The following FBLN5 variants were observed in gnomAD, a reference collection of about 807,000 sequenced individuals.
FBLN5 encodes fibulin 5.
Under a neutral mutation model 61.6 loss-of-function variants are expected in FBLN5, and 24 were observed. That is an observed-to-expected ratio of 0.39 (90% CI 0.28 to 0.55). FBLN5 has a LOEUF of 0.55. FBLN5 is among the 20% of genes least tolerant of loss of function. The pLI is 0.65. For missense variants in FBLN5, 470 were observed against 594.1 expected (o/e 0.79, Z 2.17); for synonymous variants, 213 against 219.8 (o/e 0.97, Z 0.27).
chr14:91,902,292 T>TC (rs1224965249), intron 4 of FBLN5, among the ~76,000 whole-genome samples: 1 of 151,614 alleles, frequency 6.6e-6, no homozygotes, highest in East Asian at 1.9e-4. Flanking sequence ...TTTTTTTTTT[T>TC]TTTTTTTCAA....
At chr14:91,883,121 T>C (rs762864448) in intron 7 of FBLN5, 45 bp from the exon 8 acceptor site, 18 of 1,609,970 alleles carry the variant, frequency 1.1e-5, no homozygotes, top group Admixed American at 1.7e-5. Flanking sequence ...CCAGTCTACA[T>C]GGGGATGGGA....
intron 4 of FBLN5, among the ~76,000 whole-genome samples, chr14:91,897,749 A>T (rs979468722): frequency 8.5e-5 from 13 of 152,214 alleles, no homozygotes; most frequent in Non-Finnish European, 4.4e-5. Context: ...ACTTTTACTG[A>T]ACTAAAGAAT....
chr14:91,933,921 G>A (rs1482857495), intron 4 of FBLN5, among the ~76,000 whole-genome samples: 1 of 152,018 alleles, frequency 6.6e-6, no homozygotes, highest in Non-Finnish European at 1.5e-5. Context: ...ACCAGCCTGG[G>A]CAACATGGCA....
intron 5 of FBLN5, among the ~76,000 whole-genome samples, chr14:91,893,784 A>G (rs998912946): frequency 1.3e-5 from 2 of 152,226 alleles, no homozygotes; most frequent in East Asian, 1.9e-4. Context: ...GCAGTTCTCA[A>G]TTGGTGATGA....
At chr14:91,940,356 G>C (rs1207826708) in intron 3 of FBLN5, among the ~76,000 whole-genome samples, 1 of 152,162 alleles carries the variant, frequency 6.6e-6, no homozygotes, top group African/African-American at 2.4e-5. Context: ...AGAGAACAGA[G>C]ATCAATTCTT....
intron 4 of FBLN5, among the ~76,000 whole-genome samples, chr14:91,929,522 A>G (rs772416289): frequency 1.3e-5 from 2 of 152,210 alleles, no homozygotes; most frequent in Admixed American, 1.3e-4. Flanking sequence ...CACACAGCTA[A>G]TAAGTAGCAA....
intron 4 of FBLN5, among the ~76,000 whole-genome samples, chr14:91,921,517 C>T (rs562304834): frequency 7.2e-5 from 11 of 152,286 alleles, no homozygotes; most frequent in African/African-American, 1.4e-4. Context: ...GTGCAGCCCC[C>T]GGGCCAGCAG....
At chr14:91,891,200 G>T (rs367710691) in intron 6 of FBLN5, 21 bp downstream of exon 6, 4 of 1,378,632 alleles carry the variant, frequency 2.9e-6, no homozygotes, top group Non-Finnish European at 4.1e-6. Flanking sequence ...TCATGTCCAA[G>T]TTATCATGCA....
chr14:91,907,562 G>A (rs911730127), intron 4 of FBLN5, among the ~76,000 whole-genome samples: 1 of 152,058 alleles, frequency 6.6e-6, no homozygotes, highest in African/African-American at 2.4e-5. Flanking sequence ...CTTCACTGGA[G>A]CAGTTAAAAC....
rs186185711 is a variant in FBLN5 at position 91,927,551 on chromosome 14, C to A, written c.379+9396G>T. On this transcript the variant is annotated intron_variant, in intron 4 of 10. Transcript: ENST00000342058. ...TTGACAACAAAAGAGATGGTGTGAT[C>A]ACCTTGCTCCATCTCAACACATTTA... is the stretch of plus-strand genomic sequence containing the variant. Among the ~76,000 whole-genome samples the A allele has an allele frequency of 2.6e-5, 4 of 152,348 alleles. No homozygotes were observed. In the East Asian group the frequency reaches 7.7e-4, roughly 29 times the overall value.
rs1279871959 is a variant in FBLN5, at chr14:91,870,517, C to T, written c.1186-132G>A. 1.3e-5 allele frequency: 11 copies of T among 866,492 alleles called. No individual in the cohort carries two copies. The South Asian group carries it at 1.5e-4, about 12-fold the overall frequency. 53.7% of individuals were successfully genotyped at this position (866,492 alleles called of 1,614,324 possible). A position where few individuals can be genotyped will look rare whatever the true frequency, so the allele number is the denominator to read the frequency against. ...GTGCCTCAACTGTGCCATGCTCTTT[C>T]CCTGGCTTTGCCCACTCTCCACCTG... On this transcript the variant is annotated intron_variant, in intron 10 of 10. Coordinates refer to ENST00000342058, the MANE Select transcript of FBLN5 (RefSeq NM_006329.4).
At chr14:91,903,712 G>A (rs1304751592) in intron 4 of FBLN5, among the ~76,000 whole-genome samples, 2 of 152,108 alleles carry the variant, frequency 1.3e-5, no homozygotes. Context: ...CAGTGGCCCA[G>A]GCTAGAGACC....
intron 10 of FBLN5, among the ~76,000 whole-genome samples, chr14:91,870,636 G>A (rs901849523): frequency 1.8e-4 from 27 of 152,204 alleles, no homozygotes; most frequent in Admixed American, 1.6e-3. Flanking sequence ...GTCCCCCTGC[G>A]ACCTCTGACG....
chr14:91,869,912 C>A lies in FBLN5; in HGVS notation c.*312G>T. 2.6e-6 allele frequency: 1 copy of A among 381,498 alleles called. No homozygotes were observed. Among genetic ancestry groups the A allele is most frequent in the Non-Finnish European group, 5.1e-6 (1 of 197,978 alleles). The allele number at this position is 381,498 out of a possible 1,614,324, so 23.6% of individuals were successfully genotyped here. On this transcript the variant is annotated 3_prime_UTR_variant, in exon 11 of 11. Coordinates refer to ENST00000342058, the MANE Select transcript of FBLN5 (RefSeq NM_006329.4). ...GAACATAGACTCAGACCCCCGCAAA[C>A]CTAATCTATTTTCTTTGAAAATAGT...
At chr14:91,883,924 C>T (rs982550535) in intron 7 of FBLN5, among the ~76,000 whole-genome samples, 44 of 152,212 alleles carry the variant, frequency 2.9e-4, no homozygotes, top group Non-Finnish European at 5.6e-4. Flanking sequence ...GCCAACTCTT[C>T]ATCACACACA....
intron 4 of FBLN5, among the ~76,000 whole-genome samples, chr14:91,919,598 A>T (rs1417875922): frequency 6.6e-6 from 1 of 152,202 alleles, no homozygotes; most frequent in Admixed American, 6.5e-5. Context: ...CAAAGAGGTA[A>T]TTCAGTTAAA....
chr14:91,947,239 G>A lies in FBLN5; in HGVS notation c.-10C>T. 1.9e-6 allele frequency: 3 copies of A among 1,614,166 alleles called. No homozygotes were observed. The highest frequency in any genetic ancestry group is 1.7e-6 in the Non-Finnish European group (2 of 1,180,026). On this transcript the variant is annotated 5_prime_UTR_variant, in exon 1 of 11. Coordinates refer to ENST00000342058, the MANE Select transcript of FBLN5 (RefSeq NM_006329.4). This position sits in a 1 kb window ranked among gnomAD's most constrained non-coding sequence, Gnocchi z 4.3. ...TTTTTATTCCTGGCATGTCCAAGAC[G>A]CGCGAGGAGGAGATGCGAAGGCGAG...
rs202088447 is a variant in FBLN5 at position 91,882,942 on chromosome 14, G to A, written c.862+12C>T. 5.8e-5 allele frequency: 93 copies of A among 1,613,292 alleles called. 1 individual carries two copies. In the Admixed American group the frequency reaches 9.2e-4, roughly 16 times the overall value. On this transcript the variant is annotated intron_variant, in intron 8 of 10. Transcript: ENST00000342058. The surrounding 1 kb of genome is among the most constrained non-coding windows in gnomAD (Gnocchi z 4.9). Reference sequence around the variant, plus strand: ...ACATACACCCCAGCCAGGCCCCTCCGGACAGCCTTACCTTGGCAGCTTCGG... The same window carrying A: ...ACATACACCCCAGCCAGGCCCCTCCAGACAGCCTTACCTTGGCAGCTTCGG...
At chr14:91,938,189 G>A (rs2056050485) in intron 3 of FBLN5, 1 of 152,666 alleles carries the variant, frequency 6.6e-6, no homozygotes, top group African/African-American at 2.4e-5. Context: ...GGGCACAGTG[G>A]CTCATGCCTG....
Sources: allele counts gnomAD v4.1 joint callset (sites outside exome capture counted in the v4.1 genomes callset), GRCh38; gene constraint gnomAD v4.1.1; non-coding constraint Gnocchi (gnomAD v3.1); transcripts MANE v1.5; gene names NCBI Gene and HGNC (gene_info 2026-07-23, HGNC 2026-07-21).